The following ADAMTSL2 variants were observed in gnomAD, a reference collection of about 807,000 sequenced individuals.
ADAMTSL2 encodes ADAMTS like 2.
ADAMTSL2 carries 55 observed loss-of-function variants against 117.0 expected under a neutral mutation model. The observed-to-expected ratio is 0.47, with a 90% CI of 0.38 to 0.59. ADAMTSL2 has a LOEUF of 0.59. Among genes scored for constraint, ADAMTSL2 ranks in the 20% least tolerant of loss-of-function variants. The pLI is 0.00. For missense variants in ADAMTSL2, 1,182 were observed against 1,354.5 expected (o/e 0.87, Z 2.00); for synonymous variants, 572 against 566.4 (o/e 1.01, Z -0.14).
intron 1 of ADAMTSL2, among the ~76,000 whole-genome samples, chr9:133,535,430 G>C (rs983257633): frequency 1.8e-4 from 27 of 152,076 alleles, no homozygotes; most frequent in Non-Finnish European, 3.4e-4. Flanking sequence ...CCACTCCAGG[G>C]TGCACTGCTG....
At chr9:133,535,845 C>G (rs948451161) in intron 1 of ADAMTSL2, among the ~76,000 whole-genome samples, 1 of 152,104 alleles carries the variant, frequency 6.6e-6, no homozygotes, top group Non-Finnish European at 1.5e-5. Flanking sequence ...AGGGTCGACG[C>G]TGAGGAGGGG....
At chr9:133,555,529 C>T in intron 10 of ADAMTSL2, 29 bp from the exon 11 acceptor site, 3 of 1,612,880 alleles carry the variant, frequency 1.9e-6, no homozygotes, top group Non-Finnish European at 1.7e-6. Flanking sequence ...CGGATGTGCC[C>T]ACGGTTGAGC....
Position 133,574,005 on chromosome 9 carries a change from C to A in ADAMTSL2, c.2737+18C>A. The A allele has an allele frequency of 6.2e-7, 1 of 1,606,158 alleles. No homozygotes were observed. The highest frequency in any genetic ancestry group is 1.1e-5 in the South Asian group (1 of 90,318). On this transcript the variant is annotated intron_variant, in intron 18 of 18. Coordinates refer to ENST00000651351, the MANE Select transcript of ADAMTSL2 (RefSeq NM_014694.4). ...GCCCCCAGGTGAGGCGCGGGGAGGC[C>A]GAGGGTGGCTCTGGGAATTCCCAGG...
intron 9 of ADAMTSL2, among the ~76,000 whole-genome samples, chr9:133,550,238 C>T (rs1007131152): frequency 3.3e-5 from 5 of 152,210 alleles, no homozygotes; most frequent in African/African-American, 9.6e-5. Flanking sequence ...CCTGGAAAAA[C>T]GGCAGTGAAG....
Position 133,557,337 on chromosome 9 carries a change from G to A in ADAMTSL2, c.1649+1407G>A, listed in dbSNP as rs1018363539. Among the ~76,000 whole-genome samples the A allele has an allele frequency of 5.3e-5, 8 of 152,196 alleles. No individual in the cohort carries two copies. Among genetic ancestry groups the A allele is most frequent in the Non-Finnish European group, 1.2e-4 (8 of 68,030 alleles). ...TGAGCACTTCTGGCAGGCTCTGGGC[G>A]GAATCCTACTTTGCAGATGTGGACA... On this transcript the variant is annotated intron_variant, in intron 11 of 18. Transcript: ENST00000651351. This position sits in a 1 kb window ranked among gnomAD's most constrained non-coding sequence, Gnocchi z 5.2.
intron 12 of ADAMTSL2, among the ~76,000 whole-genome samples, chr9:133,563,523 C>A (rs1830797909): frequency 6.6e-6 from 1 of 152,132 alleles, no homozygotes; most frequent in Non-Finnish European, 1.5e-5. Context: ...GAGGGGACGT[C>A]GCTCGAGACG....
chr9:133,550,970 G>T (rs1830468901), intron 9 of ADAMTSL2, among the ~76,000 whole-genome samples: 1 of 152,074 alleles, frequency 6.6e-6, no homozygotes, highest in African/African-American at 2.4e-5. Context: ...CCAGCCACAG[G>T]TACCTCCTCC....
chr9:133,563,816 GGGGAGAGAGAGA>G (rs1830806804), intron 12 of ADAMTSL2, among the ~76,000 whole-genome samples: 3 of 81,006 alleles, frequency 3.7e-5, no homozygotes, highest in East Asian at 3.4e-4. Context: ...AGAGAGAAAG[GGGGAGAGAGAGA>G]GAGAGAGAGA....
At chr9:133,543,093 C>T (rs1015347331) in intron 7 of ADAMTSL2, among the ~76,000 whole-genome samples, 4 of 151,712 alleles carry the variant, frequency 2.6e-5, no homozygotes, top group Non-Finnish European at 5.9e-5. Flanking sequence ...GGATTACAGG[C>T]TCCCACCGCC....
intron 12 of ADAMTSL2, among the ~76,000 whole-genome samples, chr9:133,563,200 G>GC (rs1256391166): frequency 2.0e-5 from 3 of 152,228 alleles, no homozygotes; most frequent in African/African-American, 7.2e-5. Context: ...AATGGATGCT[G>GC]CCGTTCTGAG....
chr9:133,533,719 AAGG>A (rs377382247), upstream of ADAMTSL2, among the ~76,000 whole-genome samples: 70 of 152,292 alleles, frequency 4.6e-4, no homozygotes, highest in African/African-American at 1.5e-3. Context: ...GGACAGAGGG[AAGG>A]AGAAGTGTCT....
chr9:133,546,613 G>A (rs913699193), intron 8 of ADAMTSL2, among the ~76,000 whole-genome samples: 30 of 152,198 alleles, frequency 2.0e-4, no homozygotes, highest in African/African-American at 7.2e-4. Context: ...GGCCAGGGCT[G>A]CAGGGTCACT....
rs1831053042 is a variant in ADAMTSL2, at chr9:133,569,419, C to T, written c.2256C>T (p.Ser752=). 6.2e-7 allele frequency: 1 copy of T among 1,613,356 alleles called. No homozygotes were observed. The highest frequency in any genetic ancestry group is 1.3e-5 in the African/African-American group (1 of 74,946). Residue 752 remains serine (S), a synonymous_variant, in exon 16 of 19, where the codon AGC becomes AGT. Coordinates refer to ENST00000651351, the MANE Select transcript of ADAMTSL2 (RefSeq NM_014694.4). ...TVSDWGPCSG[S]CGQGRTIRHV... is the part of the protein sequence containing the mutation. ...CCTCTCCCCTGCAGTGCAGTGGAAG[C>T]TGCGGGCAAGGCCGCACCATCAGGC...
chr9:133,540,777 C>G (rs758159296), intron 6 of ADAMTSL2, 34 bp downstream of exon 6: 7 of 1,613,544 alleles, frequency 4.3e-6, no homozygotes, highest in Non-Finnish European at 5.9e-6. Flanking sequence ...TACCGCCGGT[C>G]TCACTGTGCT....
intron 8 of ADAMTSL2, among the ~76,000 whole-genome samples, chr9:133,545,990 G>C (rs927445098): frequency 5.9e-5 from 9 of 151,994 alleles, no homozygotes; most frequent in Non-Finnish European, 1.2e-4. Context: ...TAATTGCCCC[G>C]GCTCCTCTGT....
Position 133,540,726 on chromosome 9 carries a change from G to A in ADAMTSL2, c.541G>A (p.Val181Met), listed in dbSNP as rs780731869. 30 of 1,613,774 alleles carry A rather than the reference G, an allele frequency of 1.9e-5. No individual in the cohort carries two copies. The highest frequency in any genetic ancestry group is 2.2e-5 in the Non-Finnish European group (26 of 1,180,048). Residue 181 changes from valine to methionine, a missense_variant, in exon 6 of 19, where the codon GTG (valine) becomes ATG (methionine). Val to Met is a conservative substitution (Grantham distance 21, BLOSUM62 1). Coordinates refer to ENST00000651351, the MANE Select transcript of ADAMTSL2 (RefSeq NM_014694.4). Reference sequence around the variant, plus strand: ...GCTCACTGACCTGCGAGGGGTTTGCGTGTCTGGAAAATGTGAGGTTGTTAA... The same window carrying A: ...GCTCACTGACCTGCGAGGGGTTTGCATGTCTGGAAAATGTGAGGTTGTTAA... ...CKLTDLRGVCVSGKCEPIGCD... is the reference protein window; with the variant it reads ...CKLTDLRGVCMSGKCEPIGCD...
intron 6 of ADAMTSL2, 67 bp from the exon 7 acceptor site, chr9:133,540,811 G>A: frequency 6.2e-7 from 1 of 1,613,326 alleles, no homozygotes; most frequent in South Asian, 1.1e-5. Context: ...CCTGTGGGAG[G>A]CAGTGGCGGC....
rs1013152958 is a variant in ADAMTSL2, at chr9:133,557,648, T to C, written c.1649+1718T>C. Among the ~76,000 whole-genome samples the C allele has an allele frequency of 2.0e-5, 3 of 152,184 alleles. No homozygotes were observed. Among genetic ancestry groups the C allele is most frequent in the African/African-American group, 7.2e-5 (3 of 41,448 alleles). On this transcript the variant is annotated intron_variant, in intron 11 of 18. Coordinates refer to ENST00000651351, the MANE Select transcript of ADAMTSL2 (RefSeq NM_014694.4). The surrounding 1 kb of genome is among the most constrained non-coding windows in gnomAD (Gnocchi z 5.2). Reference sequence around the variant, plus strand: ...CTGTCTGTGTCTTCAGCGTGGGCCCTCTTCACCTCCCAGGGCAGTCCGGGG... The same window carrying C: ...CTGTCTGTGTCTTCAGCGTGGGCCCCCTTCACCTCCCAGGGCAGTCCGGGG...
In ADAMTSL2 at chr9:133,569,549, G is replaced by A. The variant is rs1479975976; in HGVS notation, c.2386G>A (p.Ala796Thr). 1.9e-6 allele frequency: 3 copies of A among 1,591,438 alleles called. No homozygotes were observed. Among genetic ancestry groups the A allele is most frequent in the South Asian group, 1.1e-5 (1 of 88,000 alleles). The stretch of plus-strand genomic sequence containing the variant: ...CCCCTGTGGGGACAAAAACTGTCCC[G>A]CCCACTGGCTGGCCCAGGACTGGGA... Reference protein sequence around the residue: ...IHPCGDKNCPAHWLAQDWERC... With the variant: ...IHPCGDKNCPTHWLAQDWERC... Residue 796 changes from alanine to threonine, a missense_variant, in exon 16 of 19, where the codon GCC (alanine) becomes ACC (threonine). Transcript: ENST00000651351.
Sources: allele counts gnomAD v4.1 joint callset (sites outside exome capture counted in the v4.1 genomes callset), GRCh38; gene constraint gnomAD v4.1.1; non-coding constraint Gnocchi (gnomAD v3.1); transcripts MANE v1.5; gene names NCBI Gene and HGNC (gene_info 2026-07-23, HGNC 2026-07-21).